Variants in SLC1A2 observed in about 807,000 individuals in gnomAD.
SLC1A2 encodes the protein solute carrier family 1 member 2.
Under a neutral mutation model 48.8 loss-of-function variants are expected in SLC1A2, and 15 were observed. The ratio of observed to expected loss-of-function variants is 0.31; its 90% CI spans 0.21 to 0.47. SLC1A2 has a LOEUF of 0.47. Among genes scored for constraint, SLC1A2 ranks in the 20% least tolerant of loss-of-function variants. The pLI is 0.99. For missense variants in SLC1A2, 502 were observed against 730.5 expected, an observed-to-expected ratio of 0.69 and a Z score of 3.61; for synonymous variants, 279 against 272.6, an observed-to-expected ratio of 1.02 and a Z score of -0.23.
chr11:35,352,848 A>C (rs1853312748), intron 1 of SLC1A2, among the ~76,000 whole-genome samples: 1 of 152,128 alleles, frequency 6.6e-6, no homozygotes, highest in Non-Finnish European at 1.5e-5. Context: ...AAAAGAGGGG[A>C]GGTTTGAGCA....
chr11:35,415,832 A>AC (rs1855587498), intron 1 of SLC1A2, among the ~76,000 whole-genome samples: 1 of 151,578 alleles, frequency 6.6e-6, no homozygotes. Context: ...TGACCTAGCC[A>AC]CCCCCCACCT....
intron 1 of SLC1A2, among the ~76,000 whole-genome samples, chr11:35,356,648 C>T (rs540051482): frequency 4.6e-5 from 7 of 152,316 alleles, no homozygotes; most frequent in African/African-American, 1.7e-4. Flanking sequence ...CTAGAATATT[C>T]CTTTGCTCTT....
At chr11:35,291,886 A>T (rs765399834) in intron 7 of SLC1A2, 11 of 169,308 alleles carry the variant, frequency 6.5e-5, no homozygotes, top group Non-Finnish European at 1.3e-4. Context: ...ATTTACCAAA[A>T]TCTTCAAAGA....
chr11:35,419,217 G>T lies in SLC1A2; in HGVS notation c.-251C>A. The T allele has an allele frequency of 2.3e-6, 1 of 435,282 alleles. No homozygotes were observed. The highest frequency in any genetic ancestry group is 4.3e-5 in the Admixed American group (1 of 23,136). The allele number at this position is 435,282 out of a possible 1,614,324, so 27.0% of individuals were successfully genotyped here. On this transcript the variant is annotated 5_prime_UTR_variant, in exon 1 of 11. Transcript: ENST00000278379. This position sits in a 1 kb window ranked among gnomAD's most constrained non-coding sequence, Gnocchi z 5.4. ...GCTCCCCTCCGCCCGCGGGGATGGC[G>T]CTTGGCGGGGAGCTCCGGGGGCTCC...
intron 1 of SLC1A2, among the ~76,000 whole-genome samples, chr11:35,340,853 C>T (rs994327609): frequency 2.0e-5 from 3 of 152,174 alleles, no homozygotes; most frequent in African/African-American, 7.2e-5. Flanking sequence ...TAACAAGTTA[C>T]ATAAGGGTCA....
chr11:35,377,287 C>T (rs1854272866), intron 1 of SLC1A2, among the ~76,000 whole-genome samples: 1 of 152,226 alleles, frequency 6.6e-6, no homozygotes, highest in African/African-American at 2.4e-5. Flanking sequence ...TCTCAAGAGA[C>T]TGTAGGCATC....
chr11:35,302,396 A>AT (rs1442648183), intron 5 of SLC1A2, among the ~76,000 whole-genome samples: 1 of 152,106 alleles, frequency 6.6e-6, no homozygotes, highest in East Asian at 1.9e-4. Context: ...TCACTGTCAG[A>AT]TTTTGCTAGT....
At chr11:35,294,144 G>A (rs1027698100) in intron 6 of SLC1A2, among the ~76,000 whole-genome samples, 1 of 152,150 alleles carries the variant, frequency 6.6e-6, no homozygotes, top group Non-Finnish European at 1.5e-5. Flanking sequence ...AGTTAGTGAT[G>A]CTTTCTAGAA....
In SLC1A2 at chr11:35,401,986, T is replaced by C. The variant is rs571585253; in HGVS notation, c.17+16964A>G. Among the ~76,000 whole-genome samples the C allele has an allele frequency of 4.6e-5, 7 of 151,378 alleles. 1 individual carries two copies. The South Asian group carries it at 1.5e-3, about 32-fold the overall frequency. On this transcript the variant is annotated intron_variant, in intron 1 of 10. Coordinates refer to ENST00000278379, the MANE Select transcript of SLC1A2 (RefSeq NM_004171.4). The stretch of plus-strand genomic sequence containing the variant: ...CCCCACCCAACATCACCTGAAACAA[T>C]CAGTTATATTTTTAGAAAGTTTGTG...
rs1851741943 is a variant in SLC1A2, at chr11:35,312,584, C to T, written c.311-136G>A. ...ATTAAATCTCCTACTGTAGTCTTCC[C>T]TCAATATCCATGAGAGGGTTGGTTC... On this transcript the variant is annotated intron_variant, in intron 3 of 10. Transcript: ENST00000278379. The T allele has an allele frequency of 1.5e-5, 16 of 1,046,686 alleles. No homozygotes were observed. In the South Asian group the frequency reaches 2.4e-4, roughly 16 times the overall value. 64.8% of individuals were successfully genotyped at this position (1,046,686 alleles called of 1,614,324 possible).
chr11:35,388,009 G>T (rs1184627299), intron 1 of SLC1A2, among the ~76,000 whole-genome samples: 1 of 152,210 alleles, frequency 6.6e-6, no homozygotes, highest in Non-Finnish European at 1.5e-5. Flanking sequence ...TTTTATGGAT[G>T]GGGAAGCTGA....
intron 1 of SLC1A2, chr11:35,413,880 G>A (rs151280142): frequency 3.3e-5 from 5 of 152,332 alleles, no homozygotes; most frequent in African/African-American, 4.8e-5. Flanking sequence ...CCAAACGTAA[G>A]AGAAGAAAGT....
chr11:35,282,344 CT>C (rs1218533228), intron 8 of SLC1A2, among the ~76,000 whole-genome samples: 3 of 152,190 alleles, frequency 2.0e-5, no homozygotes. Context: ...AGCTCTGCCA[CT>C]TAACCACATG....
At chr11:35,385,165 C>T (rs1854547934) in intron 1 of SLC1A2, among the ~76,000 whole-genome samples, 1 of 152,190 alleles carries the variant, frequency 6.6e-6, no homozygotes, top group Admixed American at 6.5e-5. Flanking sequence ...TCACTGCATT[C>T]TAAATTGTCA....
At position 35,253,431 on chromosome 11, in the gene SLC1A2, T is replaced by C. The variant is rs1950270396; in HGVS notation, c.*7463A>G. 1 of 152,580 alleles carries C rather than the reference T, an allele frequency of 6.6e-6. No homozygotes were observed. Among genetic ancestry groups the C allele is most frequent in the Non-Finnish European group, 1.5e-5 (1 of 68,026 alleles). 9.5% of individuals were successfully genotyped at this position (152,580 alleles called of 1,614,324 possible). A position where few individuals can be genotyped will look rare whatever the true frequency, so the allele number is the denominator to read the frequency against. Reference sequence around the variant, plus strand: ...CCTAAGCCAATTTCCACATAAACCTTTAGGAATGTATGAAACATTCTGATC... The same window carrying C: ...CCTAAGCCAATTTCCACATAAACCTCTAGGAATGTATGAAACATTCTGATC... On this transcript the variant is annotated 3_prime_UTR_variant, in exon 11 of 11. Coordinates refer to ENST00000278379, the MANE Select transcript of SLC1A2 (RefSeq NM_004171.4).
At chr11:35,268,452 G>A (rs950556287) in intron 9 of SLC1A2, among the ~76,000 whole-genome samples, 1 of 152,030 alleles carries the variant, frequency 6.6e-6, no homozygotes, top group African/African-American at 2.4e-5. Context: ...TGAGGTGGGC[G>A]GATCACCTGA....
intron 1 of SLC1A2, among the ~76,000 whole-genome samples, chr11:35,379,734 G>C (rs1352388706): frequency 2.0e-5 from 3 of 152,146 alleles, no homozygotes; most frequent in Non-Finnish European, 4.4e-5. Context: ...TATCCTTAAG[G>C]CTTCACTTTT....
chr11:35,371,024 G>A, intron 1 of SLC1A2: 2 of 984,838 alleles, frequency 2.0e-6, no homozygotes, highest in Non-Finnish European at 2.4e-6. Flanking sequence ...CATTCATGGG[G>A]TGAGTTTTGA....
At chr11:35,406,179 C>T (rs140372859) in intron 1 of SLC1A2, among the ~76,000 whole-genome samples, 1 of 152,244 alleles carries the variant, frequency 6.6e-6, no homozygotes, top group Non-Finnish European at 1.5e-5. Flanking sequence ...AGGCACAACT[C>T]AAACATCACC....
Sources: gnomAD v4.1 joint callset for allele counts (sites outside exome capture counted in the v4.1 genomes callset) on GRCh38, gnomAD v4.1.1 for gene constraint, Gnocchi (gnomAD v3.1) non-coding constraint, MANE v1.5 for transcripts, NCBI Gene and HGNC (gene_info 2026-07-23, HGNC 2026-07-21) for gene names.